TMEM132D: variants seen among roughly 807,000 people sequenced by gnomAD.
TMEM132D encodes the protein transmembrane protein 132D.
A neutral mutation model predicts 62.3 loss-of-function variants in TMEM132D; 21 were observed. The observed-to-expected ratio is 0.34, with a 90% confidence interval of 0.24 to 0.49. TMEM132D has a LOEUF of 0.49. Ranked by LOEUF, TMEM132D falls within the 20% of genes least tolerant of loss-of-function variation. The pLI is 0.99. For synonymous variants in TMEM132D, 621 were observed against 575.6 expected (o/e 1.08, Z -1.13); for missense variants, 1,346 against 1,402.8 (o/e 0.96, Z 0.65).
intron 3 of TMEM132D, 65 bp from the exon 4 acceptor site, chr12:129,337,882 G>T (rs753190760): frequency 1.3e-6 from 2 of 1,504,866 alleles, no homozygotes; most frequent in East Asian, 2.3e-5. Context: ...GCTTGGCAGA[G>T]AGTGGGCGGC....
At chr12:129,652,627 G>A (rs950814271) in intron 2 of TMEM132D, among the ~76,000 whole-genome samples, 4 of 152,216 alleles carry the variant, frequency 2.6e-5, no homozygotes, top group South Asian at 2.1e-4. Flanking sequence ...AATGCTTGCA[G>A]CCTCTAGTTG....
chr12:129,819,928 G>A (rs2137324150), intron 1 of TMEM132D, among the ~76,000 whole-genome samples: 1 of 152,200 alleles, frequency 6.6e-6, no homozygotes, highest in East Asian at 1.9e-4. Flanking sequence ...CTGGAGCAGG[G>A]GACAGAATTC....
intron 5 of TMEM132D, chr12:129,085,647 T>A (rs1874592596): frequency 7.2e-6 from 1 of 137,934 alleles, no homozygotes; most frequent in Admixed American, 7.0e-5. Flanking sequence ...TAGGCACCAC[T>A]GCCATTCCCA....
intron 5 of TMEM132D, among the ~76,000 whole-genome samples, chr12:129,183,372 C>A (rs1878119928): frequency 6.6e-6 from 1 of 152,208 alleles, no homozygotes; most frequent in Non-Finnish European, 1.5e-5. Context: ...TTATCTTCTG[C>A]CTATGGTCAA....
intron 4 of TMEM132D, among the ~76,000 whole-genome samples, chr12:129,270,071 G>A (rs1452699008): frequency 6.6e-6 from 1 of 152,176 alleles, no homozygotes; most frequent in African/African-American, 2.4e-5. Context: ...AATCTGATAA[G>A]CTCTGGCTTT....
chr12:129,552,451 C>T (rs142605862), intron 2 of TMEM132D, among the ~76,000 whole-genome samples: 1 of 152,036 alleles, frequency 6.6e-6, no homozygotes, highest in Non-Finnish European at 1.5e-5. Context: ...ACCTACCTAC[C>T]TAGCATCTGT....
chr12:129,583,266 G>T (rs1178504096), intron 2 of TMEM132D, among the ~76,000 whole-genome samples: 1 of 152,202 alleles, frequency 6.6e-6, no homozygotes, highest in Non-Finnish European at 1.5e-5. Flanking sequence ...ACCTTAACTT[G>T]ATGGTCTAGA....
At chr12:129,412,381 C>G (rs1429855305) in intron 3 of TMEM132D, among the ~76,000 whole-genome samples, 1 of 152,148 alleles carries the variant, frequency 6.6e-6, no homozygotes, top group Admixed American at 6.5e-5. Context: ...GGCAATGAAC[C>G]TAGCCTTAAG....
chr12:129,549,177 G>A (rs7300620), intron 2 of TMEM132D, among the ~76,000 whole-genome samples: 10 of 151,950 alleles, frequency 6.6e-5, no homozygotes, highest in African/African-American at 2.2e-4. Context: ...CTGTTCTCGT[G>A]GTAGTGAATA....
At chr12:129,255,311 T>C (rs1265095426) in intron 4 of TMEM132D, among the ~76,000 whole-genome samples, 1 of 152,188 alleles carries the variant, frequency 6.6e-6, no homozygotes, top group East Asian at 1.9e-4. Context: ...CAGGACTGTT[T>C]TTGGGGCAAG....
intron 1 of TMEM132D, among the ~76,000 whole-genome samples, chr12:129,777,227 G>T (rs1488825746): frequency 6.6e-6 from 1 of 152,208 alleles, no homozygotes; most frequent in African/African-American, 2.4e-5. Context: ...AGCGAGTCAG[G>T]CAGGAGGTGC....
At chr12:129,155,620 G>A (rs1877217686) in intron 5 of TMEM132D, among the ~76,000 whole-genome samples, 1 of 152,228 alleles carries the variant, frequency 6.6e-6, no homozygotes, top group South Asian at 2.1e-4. Flanking sequence ...CTGTCATCTA[G>A]CAAGGGCCTT....
chr12:129,585,902 C>T lies in TMEM132D; in HGVS notation c.969-54697G>A, dbSNP rs550022942. ...TAAAAATAATTTTGCAAGAGGAAAG[C>T]GAAAAATATTTGGGAGGGGGAAAAG... On this transcript the variant is annotated intron_variant, in intron 2 of 8. Coordinates refer to ENST00000422113, the MANE Select transcript of TMEM132D (RefSeq NM_133448.3). 1.7e-4 allele frequency among the ~76,000 whole-genome samples: 25 copies of T among 148,404 alleles called. No individual in the cohort carries two copies. The South Asian group carries it at 3.0e-3, about 18-fold the overall frequency.
intron 2 of TMEM132D, among the ~76,000 whole-genome samples, chr12:129,676,291 TTATC>T (rs762347900): frequency 7.7e-4 from 117 of 152,348 alleles, no homozygotes; most frequent in Admixed American, 1.2e-3. Context: ...GTCTACCTAT[TTATC>T]TATCTATCTA....
chr12:129,170,818 G>T (rs892741908), intron 5 of TMEM132D, among the ~76,000 whole-genome samples: 6 of 139,984 alleles, frequency 4.3e-5, no homozygotes, highest in African/African-American at 1.6e-4. Context: ...AAAAAAAAAA[G>T]TGTTATTGAT....
intron 3 of TMEM132D, among the ~76,000 whole-genome samples, chr12:129,493,549 A>G (rs906592692): frequency 1.2e-4 from 19 of 152,228 alleles, no homozygotes; most frequent in Admixed American, 1.2e-3. Context: ...TAAATAAACA[A>G]ATGCTGTAAA....
At chr12:129,447,611 A>G (rs77988420) in intron 3 of TMEM132D, among the ~76,000 whole-genome samples, 1 of 152,204 alleles carries the variant, frequency 6.6e-6, no homozygotes, top group South Asian at 2.1e-4. Context: ...TGGGAAAAAA[A>G]GCTGAAAAGA....
intron 2 of TMEM132D, among the ~76,000 whole-genome samples, chr12:129,614,302 A>G (rs889368515): frequency 4.1e-4 from 62 of 152,370 alleles, no homozygotes; most frequent in African/African-American, 1.4e-3. Flanking sequence ...TTGGATGTCC[A>G]GAAGTAAGCT....
rs530079204 is a variant in TMEM132D, at chr12:129,073,808, C to A, written c.*67G>T. On this transcript the variant is annotated 3_prime_UTR_variant, in exon 9 of 9. Transcript: ENST00000422113. ...TGCTTTGTTTCTCTTCCGGGGGCAC[C>A]GTTGCTACACATCCTGGAATTAAAG... The A allele has an allele frequency of 7.3e-7, 1 of 1,372,094 alleles. No homozygotes were observed. Among genetic ancestry groups the A allele is most frequent in the Admixed American group, 2.3e-5 (1 of 43,004 alleles). 85.0% of individuals were successfully genotyped at this position (1,372,094 alleles called of 1,614,324 possible).
Sources: gnomAD v4.1 joint callset for allele counts (sites outside exome capture counted in the v4.1 genomes callset) on GRCh38, gnomAD v4.1.1 for gene constraint, MANE v1.5 for transcripts, NCBI Gene and HGNC (gene_info 2026-07-23, HGNC 2026-07-21) for gene names.